Variants in RNF111 observed in about 807,000 individuals in gnomAD.
The protein encoded by RNF111 is E3 ubiquitin-protein ligase Arkadia.
Under a neutral mutation model 95.1 loss-of-function variants are expected in RNF111, and 17 were observed. The ratio of observed to expected loss-of-function variants is 0.18; its 90% confidence interval spans 0.12 to 0.27. The LOEUF is 0.27. RNF111 is among the 10% of genes least tolerant of loss of function. The probability of loss-of-function intolerance (pLI) is 1.00; values close to 1 mark genes in which losing one functional copy is unlikely to be tolerated. For missense variants in RNF111, 1,189 were observed against 1,210.4 expected (o/e 0.98, Z 0.26); for synonymous variants, 440 against 414.8 (o/e 1.06, Z -0.74).
intron 9 of RNF111, among the ~76,000 whole-genome samples, chr15:59,084,733 T>C (rs1012096877): frequency 3.9e-5 from 6 of 152,120 alleles, no homozygotes; most frequent in African/African-American, 1.4e-4. Flanking sequence ...GCTGAAGCTT[T>C]GTACCCATCG....
rs1414656785 is a variant in RNF111 at position 58,987,939 on chromosome 15, A to G, written c.-149A>G. On this transcript the variant is annotated 5_prime_UTR_variant, in exon 1 of 14. Coordinates refer to ENST00000348370, the MANE Select transcript of RNF111 (RefSeq NM_017610.8). ...ACACTGTTCTTGACTCTAGGGGCCT[A>G]TTAGGCCGACGTCTGAGGCGCAGAT... 6.6e-6 allele frequency: 1 copy of G among 152,514 alleles called. No homozygotes were observed. Among genetic ancestry groups the G allele is most frequent in the Non-Finnish European group, 1.5e-5 (1 of 68,162 alleles). 9.4% of individuals were successfully genotyped at this position (152,514 alleles called of 1,614,324 possible).
At chr15:58,992,149 ATTC>A (rs1382635306) in intron 1 of RNF111, among the ~76,000 whole-genome samples, 7 of 152,102 alleles carry the variant, frequency 4.6e-5, no homozygotes, top group African/African-American at 1.7e-4. Flanking sequence ...GGTTCAAGCA[ATTC>A]TTCTGCGTCA....
At chr15:59,019,342 A>G (rs1478523480) in intron 1 of RNF111, among the ~76,000 whole-genome samples, 1 of 152,180 alleles carries the variant, frequency 6.6e-6, no homozygotes, top group Admixed American at 6.5e-5. Flanking sequence ...TATTCAGGCC[A>G]TTTGAAAAAA....
intron 2 of RNF111, among the ~76,000 whole-genome samples, chr15:59,039,049 C>T (rs961709361): frequency 6.6e-6 from 1 of 152,206 alleles, no homozygotes; most frequent in East Asian, 1.9e-4. Flanking sequence ...ACCGCAACCT[C>T]TGCCTCCCGT....
intron 2 of RNF111, among the ~76,000 whole-genome samples, chr15:59,035,002 A>C (rs779760094): frequency 4.7e-4 from 71 of 152,214 alleles, no homozygotes; most frequent in Non-Finnish European, 9.4e-4. Context: ...TCACAGTTCC[A>C]CATGGCTGGG....
intron 5 of RNF111, 48 bp downstream of exon 5, chr15:59,058,598 T>A (rs779682156): frequency 1.3e-6 from 2 of 1,503,068 alleles, no homozygotes; most frequent in Non-Finnish European, 1.9e-6. Flanking sequence ...TTACTTTCGT[T>A]AGGAAAAGTA....
At chr15:59,012,090 G>A (rs541677310) in intron 1 of RNF111, among the ~76,000 whole-genome samples, 4 of 128,078 alleles carry the variant, frequency 3.1e-5, no homozygotes, top group African/African-American at 8.8e-5. Context: ...GCGATCTTGC[G>A]TCACTGTAAC....
At chr15:59,000,899 C>A (rs2039297171) in intron 1 of RNF111, among the ~76,000 whole-genome samples, 1 of 152,026 alleles carries the variant, frequency 6.6e-6, no homozygotes, top group Non-Finnish European at 1.5e-5. Context: ...TAGTAGTGAT[C>A]AAAACGAAAT....
At chr15:59,024,361 G>A (rs2040496553) in intron 1 of RNF111, among the ~76,000 whole-genome samples, 3 of 152,152 alleles carry the variant, frequency 2.0e-5, no homozygotes, top group Non-Finnish European at 4.4e-5. Context: ...CGAGTCAACT[G>A]TTTTCATTGC....
rs763521728 is a variant in RNF111, at chr15:59,052,334, G to C, written c.910G>C (p.Glu304Gln). The C allele has an allele frequency of 1.2e-6, 2 of 1,600,180 alleles. No individual in the cohort carries two copies. Among genetic ancestry groups the C allele is most frequent in the Non-Finnish European group, 8.5e-7 (1 of 1,174,400 alleles). The change falls in exon 3 of 14, where the codon GAA becomes CAA. Residue 304 changes from glutamate (E) to glutamine (Q), a missense_variant. Glu to Gln is a conservative substitution (Grantham distance 29, BLOSUM62 2). This residue lies in a region of RNF111 where 1,024 missense variants were observed against 925.9 expected (regional missense o/e 1.11). Transcript: ENST00000348370. ...TATTGATGAAGATGTTGTGGTGATA[G>C]AAGCTTCCTCCACTCCCCAGGTTAC... ...GSIDEDVVVI[E>Q]ASSTPQVTAN...
chr15:59,038,230 C>T (rs1345278295), intron 2 of RNF111, among the ~76,000 whole-genome samples: 2 of 152,116 alleles, frequency 1.3e-5, no homozygotes, highest in Non-Finnish European at 2.9e-5. Context: ...CGCACTGACT[C>T]CATGAGTGAT....
intron 6 of RNF111, 128 bp from the exon 7 acceptor site, chr15:59,075,826 G>T: frequency 1.0e-6 from 1 of 1,000,996 alleles, no homozygotes; most frequent in Non-Finnish European, 1.4e-6. Context: ...TTCATACTAA[G>T]AATCTTCCTG....
chr15:58,995,467 T>TG (rs1446426067), intron 1 of RNF111, among the ~76,000 whole-genome samples: 3 of 150,452 alleles, frequency 2.0e-5, no homozygotes, highest in Non-Finnish European at 4.4e-5. Context: ...AACCTCTTGT[T>TG]TTTTTTTTTT....
intron 1 of RNF111, among the ~76,000 whole-genome samples, chr15:59,025,031 G>T (rs535059113): frequency 6.6e-6 from 1 of 152,242 alleles, no homozygotes; most frequent in South Asian, 2.1e-4. Flanking sequence ...CTATTTCATT[G>T]TACGTGTATA....
chr15:58,994,449 C>G (rs1468913736), intron 1 of RNF111, among the ~76,000 whole-genome samples: 1 of 148,438 alleles, frequency 6.7e-6, no homozygotes, highest in Non-Finnish European at 1.5e-5. Context: ...AATGTTGTCA[C>G]TCTTGCTTTC....
chr15:58,992,192 G>A (rs1596010100), intron 1 of RNF111, among the ~76,000 whole-genome samples: 2 of 152,166 alleles, frequency 1.3e-5, no homozygotes, highest in South Asian at 2.1e-4. Context: ...TTACAGGAGC[G>A]CGCCACCACG....
At position 59,076,204 on chromosome 15, in the gene RNF111, T is replaced by C; in HGVS notation, c.1937T>C (p.Met646Thr). The stretch of plus-strand genomic sequence containing the variant: ...TCTCTCTCATCATGTCGACATTACA[T>C]GCCACCCCCTTGTAAGTATATACTT... Reference protein sequence around the residue: ...QPSLSSCRHYMPPPYASLTRP... With the variant: ...QPSLSSCRHYTPPPYASLTRP... Residue 646 changes from methionine to threonine, a missense_variant, in exon 7 of 14, where the codon ATG becomes ACG. Met to Thr is a moderately conservative substitution (Grantham distance 81). Transcript: ENST00000348370. 2 of 1,613,230 alleles carry C rather than the reference T, an allele frequency of 1.2e-6. No individual in the cohort carries two copies. Among genetic ancestry groups the C allele is most frequent in the Non-Finnish European group, 8.5e-7 (1 of 1,179,872 alleles).
At chr15:59,054,482 AC>A (rs1474117675) in intron 3 of RNF111, among the ~76,000 whole-genome samples, 1 of 151,692 alleles carries the variant, frequency 6.6e-6, no homozygotes, top group Non-Finnish European at 1.5e-5. Flanking sequence ...CTCATCATAG[AC>A]TCTTGATTTT....
Position 59,031,253 on chromosome 15 carries a change from G to T in RNF111, c.431G>T (p.Ser144Ile). The part of the protein sequence containing the change: ...FSDCLSSPSS[S>I]LHFGDSDTVT... Reference sequence around the variant, plus strand: ...GATTGTCTTTCTTCTCCTTCATCTAGTCTGCATTTTGGAGATTCTGATACT... The same window carrying T: ...GATTGTCTTTCTTCTCCTTCATCTATTCTGCATTTTGGAGATTCTGATACT... Residue 144 changes from serine to isoleucine, a missense_variant, in exon 2 of 14, where the codon AGT (serine) becomes ATT (isoleucine). By Grantham distance (142) the Ser-to-Ile change is moderately radical (BLOSUM62 -2). Transcript: ENST00000348370. 2 of 1,614,126 alleles carry T rather than the reference G, an allele frequency of 1.2e-6. No homozygotes were observed. The highest frequency in any genetic ancestry group is 1.7e-6 in the Non-Finnish European group (2 of 1,180,018).
Sources: allele counts gnomAD v4.1 joint callset (sites outside exome capture counted in the v4.1 genomes callset), GRCh38; gene constraint gnomAD v4.1.1; regional missense constraint gnomAD v4.1.1; transcripts MANE v1.5; gene names NCBI Gene and HGNC (gene_info 2026-07-23, HGNC 2026-07-21).